Variants in HK1 observed in about 807,000 individuals in gnomAD.
HK1 encodes the protein hexokinase 1, also known as hexokinase-1.
Under a neutral mutation model 91.6 loss-of-function variants are expected in HK1, and 28 were observed. That is an observed-to-expected ratio of 0.31 (90% confidence interval 0.23 to 0.42). The LOEUF (loss-of-function observed/expected upper bound fraction) is 0.42, where lower values mean the gene tolerates loss of function less well. HK1 is among the 10% of genes least tolerant of loss of function. The pLI, the probability that HK1 is intolerant of heterozygous loss-of-function variation, is 1.00. For synonymous variants in HK1, 430 were observed against 468.1 expected (o/e 0.92, Z 1.05); for missense variants, 770 against 1,219.8 (o/e 0.63, Z 5.49).
chr10:69,325,819 C>T (rs556368641), intron 1 of HK1, among the ~76,000 whole-genome samples: 54 of 150,040 alleles, frequency 3.6e-4, no homozygotes, highest in African/African-American at 1.3e-3. Context: ...TTACGGGTGC[C>T]AGCTACTGCC....
At chr10:69,300,861 T>C (rs1812963549) in exon 5 of HK1, 1 of 1,535,758 alleles carries the variant, frequency 6.5e-7, no homozygotes, top group Non-Finnish European at 9.0e-7. Flanking sequence ...TGCATGATTT[T>C]GTACGTAGAA....
chr10:69,394,620 C>T (rs1840052152), intron 15 of HK1, among the ~76,000 whole-genome samples: 1 of 151,986 alleles, frequency 6.6e-6, no homozygotes. Context: ...GAACCTGAAA[C>T]AGGCAGGTAG....
intron 16 of HK1, among the ~76,000 whole-genome samples, chr10:69,396,331 C>A (rs746472329): frequency 6.7e-6 from 1 of 149,920 alleles, no homozygotes; most frequent in Non-Finnish European, 1.5e-5. Context: ...CAAAAAAAAA[C>A]CTAACAAGCC....
At chr10:69,360,271 G>A (rs1383083865) in intron 3 of HK1, among the ~76,000 whole-genome samples, 1 of 152,258 alleles carries the variant, frequency 6.6e-6, no homozygotes, top group Non-Finnish European at 1.5e-5. Context: ...TGGTGTAGTG[G>A]AAGTGGGCTG....
chr10:69,390,974 T>A (rs1839870900), intron 14 of HK1, among the ~76,000 whole-genome samples: 2 of 152,252 alleles, frequency 1.3e-5, no homozygotes, highest in Admixed American at 1.3e-4. Context: ...GCTGTGAAAG[T>A]TGCAGGATGC....
chr10:69,310,817 G>A (rs185084333), upstream of HK1, among the ~76,000 whole-genome samples: 10 of 152,328 alleles, frequency 6.6e-5, no homozygotes, highest in African/African-American at 2.4e-4. Flanking sequence ...AGCACTTTGG[G>A]AGGCTGTGGC....
At chr10:69,329,603 T>C (rs1206043775) in intron 1 of HK1, among the ~76,000 whole-genome samples, 1 of 152,132 alleles carries the variant, frequency 6.6e-6, no homozygotes, top group Non-Finnish European at 1.5e-5. Context: ...GAATTGACTT[T>C]CTGATGACCA....
intron 12 of HK1, among the ~76,000 whole-genome samples, chr10:69,385,181 CT>C (rs1167255223): frequency 6.6e-6 from 1 of 152,218 alleles, no homozygotes; most frequent in Non-Finnish European, 1.5e-5. Flanking sequence ...TCTGTGCCCC[CT>C]GTTCATTTGA....
chr10:69,289,438 G>A (rs1377708493), intron 3 of HK1, among the ~76,000 whole-genome samples: 1 of 149,290 alleles, frequency 6.7e-6, no homozygotes, highest in African/African-American at 2.5e-5. Flanking sequence ...GTAAAAATGG[G>A]CTTCTGCCCA....
intron 1 of HK1, among the ~76,000 whole-genome samples, chr10:69,325,241 C>T (rs887547860): frequency 6.6e-5 from 10 of 150,788 alleles, no homozygotes; most frequent in Admixed American, 2.0e-4. Context: ...TTAGGAGAGA[C>T]GGGGTTTCAC....
At chr10:69,397,578 G>A (rs1840198999) in intron 16 of HK1, among the ~76,000 whole-genome samples, 1 of 152,200 alleles carries the variant, frequency 6.6e-6, no homozygotes, top group South Asian at 2.1e-4. Context: ...TCCACCGGCT[G>A]TGTGCTTTGC....
chr10:69,349,674 T>A (rs1306273654), intron 2 of HK1, among the ~76,000 whole-genome samples: 1 of 152,142 alleles, frequency 6.6e-6, no homozygotes, highest in Admixed American at 6.5e-5. Flanking sequence ...GACCACAGGC[T>A]ACAGCTCCAG....
chr10:69,366,767 A>G (rs1476828971), intron 4 of HK1, among the ~76,000 whole-genome samples: 1 of 152,184 alleles, frequency 6.6e-6, no homozygotes, highest in East Asian at 1.9e-4. Context: ...TTTCAGTACA[A>G]GTTTCCCTTG....
intron 2 of HK1, among the ~76,000 whole-genome samples, chr10:69,352,904 T>C (rs543141322): frequency 4.0e-4 from 61 of 152,304 alleles, no homozygotes; most frequent in Admixed American, 7.2e-4. Flanking sequence ...AAAACTGTTA[T>C]TAAAAAAACA....
chr10:69,351,730 C>T (rs1166711584), intron 2 of HK1, among the ~76,000 whole-genome samples: 1 of 152,144 alleles, frequency 6.6e-6, no homozygotes, highest in African/African-American at 2.4e-5. Context: ...CTGACTCTGC[C>T]ACTTACTGGT....
At chr10:69,282,391 T>A (rs1209667353) in intron 1 of HK1, 1 of 152,190 alleles carries the variant, frequency 6.6e-6, no homozygotes, top group East Asian at 1.9e-4. Context: ...AAGTGCCCCA[T>A]CCCCTGCCCA....
chr10:69,379,997 A>T lies in HK1; in HGVS notation c.1167A>T (p.Thr389=). ...SFRSANLVAA[T]LGAILNRLRD... is the part of the protein sequence containing the mutation. ...GCTCAGCCAACTTGGTGGCTGCCAC[A>T]CTGGGCGCCATCTTGAACCGCCTGC... The change falls in exon 9 of 18, where the codon ACA becomes ACT. Residue 389 remains threonine, a synonymous_variant. Transcript: ENST00000359426. The T allele has an allele frequency of 1.2e-6, 2 of 1,614,086 alleles. No individual in the cohort carries two copies. The highest frequency in any genetic ancestry group is 1.7e-6 in the Non-Finnish European group (2 of 1,179,996).
chr10:69,346,509 AT>A (rs796205574), intron 2 of HK1, among the ~76,000 whole-genome samples: 20 of 145,436 alleles, frequency 1.4e-4, no homozygotes, highest in African/African-American at 2.0e-4. Flanking sequence ...TTTTTTGGTC[AT>A]TTTTTTTTTA....
At chr10:69,318,404 A>G (rs1469571180), upstream of HK1, among the ~76,000 whole-genome samples, 1 of 151,946 alleles carries the variant, frequency 6.6e-6, no homozygotes, top group African/African-American at 2.4e-5. Context: ...ATTTCCGAGG[A>G]ATGGGACCGC....
Sources: gnomAD v4.1 joint callset for allele counts (sites outside exome capture counted in the v4.1 genomes callset) on GRCh38, gnomAD v4.1.1 for gene constraint, MANE v1.5 for transcripts, NCBI Gene and HGNC (gene_info 2026-07-23, HGNC 2026-07-21) for gene names.